E2F6: variants seen among roughly 807,000 people sequenced by gnomAD.
The protein encoded by E2F6 is E2F transcription factor 6.
Under a neutral mutation model 31.5 loss-of-function variants are expected in E2F6, and 19 were observed. The observed-to-expected ratio is 0.60, with a 90% CI of 0.42 to 0.89. The LOEUF is 0.89. E2F6 is among the 40% of genes least tolerant of loss of function. E2F6 has a pLI of 0.00. For synonymous variants in E2F6, 121 were observed against 127.7 expected (o/e 0.95, Z 0.36); for missense variants, 269 against 341.6 (o/e 0.79, Z 1.67).
intron 5 of E2F6, among the ~76,000 whole-genome samples, chr2:11,448,299 A>G (rs539689212): frequency 6.6e-6 from 1 of 152,388 alleles, no homozygotes; most frequent in South Asian, 2.1e-4. Context: ...GGATTAATCA[A>G]AATACTTTTT....
chr2:11,457,886 AT>A (rs1450601129), intron 1 of E2F6, among the ~76,000 whole-genome samples: 22 of 152,202 alleles, frequency 1.4e-4, no homozygotes, highest in Non-Finnish European at 2.6e-4. Flanking sequence ...AAAACAATGC[AT>A]GCTGTGGGTA....
chr2:11,458,195 A>G, intron 1 of E2F6: 1 of 1,482,748 alleles, frequency 6.7e-7, no homozygotes, highest in Non-Finnish European at 9.2e-7. Flanking sequence ...CTGGCCATAA[A>G]GCAAAACTGG....
In E2F6 at chr2:11,447,777, A is replaced by G. The variant is rs759667979; in HGVS notation, c.652-3T>C. On this transcript the variant is annotated splice_polypyrimidine_tract_variant and splice_region_variant and intron_variant, in intron 5 of 6. Transcript: ENST00000381525. ...CTTATGTGCACTGTGATAGAGTCCT[A>G]GCAAAGGACACAGGAATCGTCAAGA... The G allele has an allele frequency of 5.6e-6, 9 of 1,607,638 alleles. No homozygotes were observed. The highest frequency in any genetic ancestry group is 7.6e-6 in the Non-Finnish European group (9 of 1,178,616).
At position 11,465,920 on chromosome 2, in the gene E2F6, G is replaced by A. The variant is rs1337262331; in HGVS notation, c.-41C>T. The A allele has an allele frequency of 6.7e-7, 1 of 1,485,202 alleles. No homozygotes were observed. The highest frequency in any genetic ancestry group is 9.0e-7 in the Non-Finnish European group (1 of 1,108,296). 92.0% of individuals were successfully genotyped at this position (1,485,202 alleles called of 1,614,324 possible). On this transcript the variant is annotated 5_prime_UTR_variant, in exon 1 of 7. Coordinates refer to ENST00000381525, the MANE Select transcript of E2F6 (RefSeq NM_198256.4). ...GTCCTGCTCCCCTCGCACCCCACGA[G>A]CTCTCCCGCCCTCTCGCGCTCAGCT... is the stretch of plus-strand genomic sequence containing the variant.
chr2:11,465,537 C>A (rs950698338), intron 1 of E2F6, among the ~76,000 whole-genome samples: 5 of 152,242 alleles, frequency 3.3e-5, no homozygotes, highest in African/African-American at 9.6e-5. Flanking sequence ...GAGCAATTTT[C>A]TCCAACAGTG....
In E2F6 at chr2:11,456,370, G is replaced by A. The variant is rs528530146; in HGVS notation, c.163+809C>T. Among the ~76,000 whole-genome samples, 16 of 152,226 alleles carry A rather than the reference G, an allele frequency of 1.1e-4. No individual in the cohort carries two copies. In the South Asian group the frequency reaches 3.3e-3, roughly 32 times the overall value. ...GACTGCCTTCTAAGAAGGAGACCCA[G>A]CAACTTCAGCTACAGAGGAAGTTAG... On this transcript the variant is annotated intron_variant, in intron 2 of 6. Transcript: ENST00000381525.
intron 4 of E2F6, among the ~76,000 whole-genome samples, chr2:11,450,964 G>C (rs986486222): frequency 6.6e-6 from 1 of 151,990 alleles, no homozygotes; most frequent in Admixed American, 6.6e-5. Flanking sequence ...CAAAGACAAG[G>C]CTCCCCCAGC....
Position 11,451,656 on chromosome 2 carries a change from A to C in E2F6, c.531T>G (p.Asn177Lys), listed in dbSNP as rs776107859. The change falls in exon 4 of 7, where the codon AAT becomes AAG. Residue 177 changes from asparagine to lysine, a missense_variant. Coordinates refer to ENST00000381525, the MANE Select transcript of E2F6 (RefSeq NM_198256.4). ...QLFELTDDKE[N>K]ERLAYVTYQD... ...GGTATAGACTTAAAGGATATCTTTC[A>C]TTTTCTTTGTCATCTGTTAACTCAA... 1 of 1,609,858 alleles carries C rather than the reference A, an allele frequency of 6.2e-7. No homozygotes were observed. Among genetic ancestry groups the C allele is most frequent in the Non-Finnish European group, 8.5e-7 (1 of 1,178,082 alleles).
chr2:11,452,104 C>T (rs1671107533), intron 3 of E2F6, among the ~76,000 whole-genome samples: 2 of 152,146 alleles, frequency 1.3e-5, no homozygotes, highest in African/African-American at 4.8e-5. Flanking sequence ...AACTAAGAGT[C>T]AATAACACCC....
chr2:11,450,267 T>TAAA, intron 4 of E2F6, 141 bp from the exon 5 acceptor site: 5 of 321,576 alleles, frequency 1.6e-5, no homozygotes, highest in Non-Finnish European at 2.8e-5. Flanking sequence ...AGGAAAGCAG[T>TAAA]AAAAAAAAAA....
rs1486521855 is a variant in E2F6 at position 11,444,979 on chromosome 2, G to A, written c.*1498C>T. ...GGAAAAGCATTGAGGCTAACCGCTG[G>A]GGGAGGAGCACACTTCATCCCCAGG... On this transcript the variant is annotated 3_prime_UTR_variant, in exon 7 of 7. Transcript: ENST00000381525. 1 of 152,142 alleles carries A rather than the reference G, an allele frequency of 6.6e-6. No homozygotes were observed. Among genetic ancestry groups the A allele is most frequent in the Non-Finnish European group, 1.5e-5 (1 of 68,050 alleles). The allele number at this position is 152,142 out of a possible 1,614,324, so 9.4% of individuals were successfully genotyped here.
chr2:11,450,207 G>C (rs990684886), intron 4 of E2F6, 81 bp from the exon 5 acceptor site: 1 of 837,924 alleles, frequency 1.2e-6, no homozygotes, highest in Non-Finnish European at 1.9e-6. Context: ...GTTAACGCAA[G>C]GGTAATGTTA....
chr2:11,465,178 CAA>C (rs59561027), intron 1 of E2F6, among the ~76,000 whole-genome samples: 52 of 88,580 alleles, frequency 5.9e-4, no homozygotes, highest in East Asian at 3.6e-3. Context: ...AACTCAATCT[CAA>C]AAAAAAAAAA....
intron 1 of E2F6, among the ~76,000 whole-genome samples, chr2:11,461,417 T>A (rs1000088206): frequency 6.6e-6 from 1 of 152,200 alleles, no homozygotes; most frequent in Non-Finnish European, 1.5e-5. Flanking sequence ...AGTGGCACAA[T>A]CTCGGCTCAC....
intron 2 of E2F6, chr2:11,455,407 G>C: frequency 7.8e-7 from 1 of 1,277,408 alleles, no homozygotes; most frequent in Non-Finnish European, 1.0e-6. Flanking sequence ...GACCACTGGC[G>C]GTTACTTCAG....
chr2:11,452,403 A>G (rs1671124782), intron 3 of E2F6, among the ~76,000 whole-genome samples: 1 of 152,236 alleles, frequency 6.6e-6, no homozygotes, highest in African/African-American at 2.4e-5. Context: ...CAGGAGTTAT[A>G]GACCAGCCTG....
At chr2:11,452,817 T>A (rs904796409) in intron 3 of E2F6, among the ~76,000 whole-genome samples, 4 of 152,186 alleles carry the variant, frequency 2.6e-5, no homozygotes, top group African/African-American at 9.7e-5. Context: ...TCCTAAAGTG[T>A]TTTTTAGTGT....
chr2:11,462,153 A>C (rs1005246808), intron 1 of E2F6, among the ~76,000 whole-genome samples: 1 of 152,162 alleles, frequency 6.6e-6, no homozygotes, highest in Admixed American at 6.5e-5. Context: ...TCCTGGTACC[A>C]AAATCTGTGT....
rs1376498914 is a variant in E2F6 at position 11,444,961 on chromosome 2, C to T, written c.*1516G>A. The stretch of plus-strand genomic sequence containing the variant: ...AATAATAAAACAGAGGGAGGAAAAG[C>T]ATTGAGGCTAACCGCTGGGGGAGGA... On this transcript the variant is annotated 3_prime_UTR_variant, in exon 7 of 7. Transcript: ENST00000381525. 6.6e-6 allele frequency: 1 copy of T among 152,194 alleles called. No homozygotes were observed. Among genetic ancestry groups the T allele is most frequent in the African/African-American group, 2.4e-5 (1 of 41,432 alleles). 9.4% of individuals were successfully genotyped at this position (152,194 alleles called of 1,614,324 possible).
Sources: allele counts gnomAD v4.1 joint callset (sites outside exome capture counted in the v4.1 genomes callset), GRCh38; gene constraint gnomAD v4.1.1; transcripts MANE v1.5; gene names NCBI Gene and HGNC (gene_info 2026-07-23, HGNC 2026-07-21).